CACNA1A: variants seen among roughly 807,000 people sequenced by gnomAD.
CACNA1A encodes calcium voltage-gated channel subunit alpha1 A.
CACNA1A carries 57 observed loss-of-function variants against 262.4 expected under a neutral mutation model. The ratio of observed to expected loss-of-function variants is 0.22; its 90% CI spans 0.18 to 0.27. The LOEUF (loss-of-function observed/expected upper bound fraction) is 0.27. Among genes scored for constraint, CACNA1A ranks in the 10% least tolerant of loss-of-function variants. The pLI, the probability that CACNA1A is intolerant of heterozygous loss-of-function variation, is 1.00. For synonymous variants in CACNA1A, 1,431 were observed against 1,419.3 expected (o/e 1.01, Z -0.18); for missense variants, 2,526 against 3,562.8 (o/e 0.71, Z 7.41).
intron 1 of CACNA1A, among the ~76,000 whole-genome samples, chr19:13,505,067 G>A (rs940253538): frequency 6.6e-6 from 1 of 152,140 alleles, no homozygotes; most frequent in East Asian, 1.9e-4. Context: ...GGAAAAGCTG[G>A]ACATGGTGCT....
rs1184066028 is a variant in CACNA1A, at chr19:13,351,102, A to T, written c.978+8504T>A. ...GGATACTAATCTTCATCATTTGGTT[A>T]AAGTGGTATCTATCTGTTCCTCCGC... On this transcript the variant is annotated intron_variant, in intron 6 of 46. Transcript: ENST00000360228. Among the ~76,000 whole-genome samples, 4 of 152,190 alleles carry T rather than the reference A, an allele frequency of 2.6e-5. No homozygotes were observed. The East Asian group carries it at 7.7e-4, about 29-fold the overall frequency.
At chr19:13,504,021 C>T (rs1159035136) in intron 1 of CACNA1A, among the ~76,000 whole-genome samples, 1 of 152,070 alleles carries the variant, frequency 6.6e-6, no homozygotes, top group Admixed American at 6.5e-5. Context: ...GGGCTCCCCA[C>T]CTCCTTCCTT....
chr19:13,373,104 A>G (rs778048459), intron 3 of CACNA1A, among the ~76,000 whole-genome samples: 1 of 152,230 alleles, frequency 6.6e-6, no homozygotes, highest in Non-Finnish European at 1.5e-5. Context: ...GCTGAATACC[A>G]GAGGGTCTGT....
chr19:13,281,672 C>T (rs1163276304), intron 22 of CACNA1A, among the ~76,000 whole-genome samples: 4 of 150,148 alleles, frequency 2.7e-5, no homozygotes, highest in Non-Finnish European at 4.4e-5. Flanking sequence ...GGAAAGAAGG[C>T]GGTGGGGGTG....
chr19:13,285,263 G>C, intron 20 of CACNA1A, 57 bp from the exon 21 acceptor site: 4 of 1,602,878 alleles, frequency 2.5e-6, no homozygotes, highest in Non-Finnish European at 3.4e-6. Flanking sequence ...AAGTCTCTGG[G>C]AACTCCTGTG....
Position 13,354,114 on chromosome 19 carries a change from T to C in CACNA1A, c.978+5492A>G, listed in dbSNP as rs202234488. On this transcript the variant is annotated intron_variant, in intron 6 of 46. Coordinates refer to ENST00000360228, the MANE Select transcript of CACNA1A (RefSeq NM_001127222.2). ...CAGTAGGTGCTCAATAAATGATTAC[T>C]GGATAACTGAAAGGATGTTAAGAGA... is the stretch of plus-strand genomic sequence containing the variant. Among the ~76,000 whole-genome samples, 8 of 152,306 alleles carry C rather than the reference T, an allele frequency of 5.3e-5. No homozygotes were observed. In the East Asian group the frequency reaches 1.5e-3, roughly 29 times the overall value.
intron 26 of CACNA1A, chr19:13,261,115 A>G: frequency 4.2e-6 from 1 of 237,018 alleles, no homozygotes; most frequent in East Asian, 8.9e-5. Context: ...CATGTCCCAC[A>G]TGGGAATCTC....
chr19:13,344,035 C>A (rs1025311981), intron 6 of CACNA1A, among the ~76,000 whole-genome samples: 1 of 150,966 alleles, frequency 6.6e-6, no homozygotes, highest in Non-Finnish European at 1.5e-5. Flanking sequence ...CACAGTGAGA[C>A]CCCATCTCTA....
chr19:13,322,151 G>C (rs1336115724), intron 10 of CACNA1A, among the ~76,000 whole-genome samples: 1 of 148,044 alleles, frequency 6.8e-6, no homozygotes, highest in African/African-American at 2.5e-5. Context: ...GTAGTGAGCT[G>C]TGATCGTGCC....
At chr19:13,297,447 G>A (rs1600268055) in intron 19 of CACNA1A, among the ~76,000 whole-genome samples, 1 of 152,184 alleles carries the variant, frequency 6.6e-6, no homozygotes, top group Admixed American at 6.5e-5. Flanking sequence ...ACTGAGGTGG[G>A]ATGATTGCTT....
chr19:13,469,821 A>G (rs1326561136), intron 1 of CACNA1A, among the ~76,000 whole-genome samples: 4 of 151,540 alleles, frequency 2.6e-5, no homozygotes, highest in Non-Finnish European at 5.9e-5. Context: ...ACCAACGTCC[A>G]TCCCATCGAG....
chr19:13,391,935 G>A (rs2144653188), intron 3 of CACNA1A, among the ~76,000 whole-genome samples: 1 of 151,732 alleles, frequency 6.6e-6, no homozygotes, highest in South Asian at 2.1e-4. Flanking sequence ...TACTCGGGAG[G>A]CTGAGGTGGG....
chr19:13,310,741 A>G (rs899726318), intron 12 of CACNA1A, among the ~76,000 whole-genome samples: 1 of 151,212 alleles, frequency 6.6e-6, no homozygotes, highest in African/African-American at 2.4e-5. Flanking sequence ...ATACACGGAT[A>G]TTGAGACTTG....
intron 5 of CACNA1A, among the ~76,000 whole-genome samples, chr19:13,360,151 T>C (rs566957514): frequency 2.6e-4 from 39 of 151,994 alleles, no homozygotes; most frequent in Non-Finnish European, 3.7e-4. Flanking sequence ...ATTATCATTA[T>C]TGTTCAAGTA....
At chr19:13,318,251 A>G (rs1454780816) in intron 10 of CACNA1A, among the ~76,000 whole-genome samples, 1 of 152,172 alleles carries the variant, frequency 6.6e-6, no homozygotes, top group Non-Finnish European at 1.5e-5. Flanking sequence ...TCACTTTAGT[A>G]TCTTAGGTAG....
At chr19:13,257,169 A>G (rs2056594286) in intron 28 of CACNA1A, 181 bp downstream of exon 28, 1 of 573,688 alleles carries the variant, frequency 1.7e-6, no homozygotes, top group Non-Finnish European at 3.1e-6. Context: ...TACATACACT[A>G]TATGATGTGT....
At chr19:13,494,004 T>C (rs957915888) in intron 1 of CACNA1A, among the ~76,000 whole-genome samples, 3 of 152,226 alleles carry the variant, frequency 2.0e-5, no homozygotes, top group African/African-American at 7.2e-5. Context: ...ATTGTCATAA[T>C]AGCTTCATCT....
chr19:13,273,655 CTG>C (rs2057077615), intron 24 of CACNA1A: 1 of 141,562 alleles, frequency 7.1e-6, no homozygotes, highest in African/African-American at 2.6e-5. Context: ...CTTGCTAAAC[CTG>C]TTTTTTTTGT....
At chr19:13,318,890 C>CATTTTTTTTTTTTTTTTTTTTTT (rs1555763526) in intron 10 of CACNA1A, among the ~76,000 whole-genome samples, 1 of 114,668 alleles carries the variant, frequency 8.7e-6, no homozygotes, top group Non-Finnish European at 1.7e-5. Context: ...TAAAATACAT[C>CATTTTTTTTTTTTTTTTTTTTTT]TTTTTTTTTT....
Sources: allele counts gnomAD v4.1 joint callset (sites outside exome capture counted in the v4.1 genomes callset), GRCh38; gene constraint gnomAD v4.1.1; transcripts MANE v1.5; gene names NCBI Gene and HGNC (gene_info 2026-07-23, HGNC 2026-07-21).